Variants in EFCAB11 observed in about 807,000 individuals in gnomAD.
EFCAB11 encodes the protein EF-hand calcium-binding domain-containing protein 11.
Under a neutral mutation model 23.0 loss-of-function variants are expected in EFCAB11, and 14 were observed. That is an observed-to-expected ratio of 0.61 (90% CI 0.40 to 0.95). The LOEUF is 0.95. EFCAB11 is among the 40% of genes least tolerant of loss of function. The pLI, the probability that EFCAB11 is intolerant of heterozygous loss-of-function variation, is 0.00. For missense variants in EFCAB11, 198 were observed against 195.8 expected, an observed-to-expected ratio of 1.01 and a Z score of -0.07; for synonymous variants, 65 against 66.6, an observed-to-expected ratio of 0.98 and a Z score of 0.11.
chr14:89,817,281 CA>C (rs547207653), intron 5 of EFCAB11, among the ~76,000 whole-genome samples: 357 of 151,992 alleles, frequency 2.3e-3, no homozygotes, highest in African/African-American at 8.4e-3. Flanking sequence ...TTTGGGAGGC[CA>C]AGGGGGGAGA....
At chr14:89,876,898 C>G (rs1407342780) in intron 5 of EFCAB11, among the ~76,000 whole-genome samples, 1 of 151,552 alleles carries the variant, frequency 6.6e-6, no homozygotes, top group Non-Finnish European at 1.5e-5. Context: ...GAACTGATGC[C>G]TACATCCTGC....
chr14:89,806,812 T>C (rs1257181836), intron 5 of EFCAB11, among the ~76,000 whole-genome samples: 1 of 152,216 alleles, frequency 6.6e-6, no homozygotes, highest in Non-Finnish European at 1.5e-5. Context: ...GGTTCAGTTC[T>C]CAATTTTGAT....
intron 5 of EFCAB11, 183 bp downstream of exon 5, chr14:89,931,357 CA>C (rs1890382422): frequency 1.7e-6 from 1 of 575,160 alleles, no homozygotes; most frequent in African/African-American, 1.9e-5. Context: ...AGTTCACTGT[CA>C]GGGGCATGGA....
intron 5 of EFCAB11, among the ~76,000 whole-genome samples, chr14:89,834,338 T>G (rs924748915): frequency 1.7e-5 from 2 of 117,100 alleles, no homozygotes; most frequent in Non-Finnish European, 1.6e-5. Context: ...ATCGCACCAC[T>G]GCACTCCAGC....
intron 5 of EFCAB11, among the ~76,000 whole-genome samples, chr14:89,814,487 C>G (rs552646705): frequency 6.6e-6 from 1 of 152,126 alleles, no homozygotes; most frequent in Non-Finnish European, 1.5e-5. Context: ...GGCAGATCAC[C>G]TGAGGTTGGG....
Position 89,796,349 on chromosome 14 carries a change from CAGGCTGG to C in EFCAB11, c.*887_*893del, listed in dbSNP as rs1346638589. On this transcript the variant is annotated 3_prime_UTR_variant, in exon 6 of 6. Transcript: ENST00000316738. ...AGAGACAGGGTCTTGCTCTATCATC[CAGGCTGG>C]AGTGCGACAGTGCAATCATGGCTCA... 2 of 152,112 alleles carry C rather than the reference CAGGCTGG, an allele frequency of 1.3e-5. No homozygotes were observed. Among genetic ancestry groups the C allele is most frequent in the Non-Finnish European group, 2.9e-5 (2 of 68,044 alleles). 9.4% of individuals were successfully genotyped at this position (152,112 alleles called of 1,614,324 possible).
chr14:89,913,785 T>A (rs922024001), intron 5 of EFCAB11, among the ~76,000 whole-genome samples: 1 of 152,210 alleles, frequency 6.6e-6, no homozygotes, highest in Non-Finnish European at 1.5e-5. Context: ...GTTAAAATTT[T>A]TTTTACAGTC....
intron 5 of EFCAB11, among the ~76,000 whole-genome samples, chr14:89,804,171 AC>A (rs1455920396): frequency 2.6e-5 from 4 of 151,888 alleles, no homozygotes; most frequent in Non-Finnish European, 4.4e-5. Flanking sequence ...GGCACCCCCT[AC>A]CCCCCAAACG....
chr14:89,925,128 G>T (rs1021833449), intron 5 of EFCAB11, among the ~76,000 whole-genome samples: 1 of 152,196 alleles, frequency 6.6e-6, no homozygotes, highest in Non-Finnish European at 1.5e-5. Context: ...TTTAAAGATG[G>T]TTTAAACCTG....
At chr14:89,837,064 A>G (rs1293782715) in intron 5 of EFCAB11, 1 of 456,820 alleles carries the variant, frequency 2.2e-6, no homozygotes, top group Non-Finnish European at 4.4e-6. Context: ...TGATGGAGTC[A>G]GCTGCTAAGA....
At chr14:89,922,294 T>G (rs1327853064) in intron 5 of EFCAB11, among the ~76,000 whole-genome samples, 1 of 152,244 alleles carries the variant, frequency 6.6e-6, no homozygotes, top group African/African-American at 2.4e-5. Flanking sequence ...TTTGTCACAC[T>G]GACAGACCAC....
intron 5 of EFCAB11, among the ~76,000 whole-genome samples, chr14:89,876,110 T>A (rs1236372057): frequency 6.6e-6 from 1 of 152,224 alleles, no homozygotes; most frequent in East Asian, 1.9e-4. Flanking sequence ...ACAGCCATAC[T>A]GTACTGAGTT....
At chr14:89,872,324 C>T (rs530456569) in intron 5 of EFCAB11, among the ~76,000 whole-genome samples, 65 of 152,156 alleles carry the variant, frequency 4.3e-4, no homozygotes, top group Non-Finnish European at 8.1e-4. Flanking sequence ...GAAAGCCACA[C>T]GCGCAAAGGC....
At chr14:89,821,625 C>T (rs1329670513) in intron 5 of EFCAB11, among the ~76,000 whole-genome samples, 2 of 152,122 alleles carry the variant, frequency 1.3e-5, no homozygotes, top group African/African-American at 2.4e-5. Flanking sequence ...AGAGTAAGGC[C>T]TGTGGTCCCT....
chr14:89,850,367 CCA>C (rs1436198289), intron 5 of EFCAB11, among the ~76,000 whole-genome samples: 1 of 152,160 alleles, frequency 6.6e-6, no homozygotes, highest in Admixed American at 6.5e-5. Flanking sequence ...ACTGTGCGAC[CCA>C]CAGTGTGGTC....
chr14:89,914,983 C>A (rs1472786592), intron 5 of EFCAB11, among the ~76,000 whole-genome samples: 1 of 151,960 alleles, frequency 6.6e-6, no homozygotes, highest in Non-Finnish European at 1.5e-5. Flanking sequence ...CGCCCACACA[C>A]ACACAAAAAA....
At position 89,879,445 on chromosome 14, in the gene EFCAB11, T is replaced by C. The variant is rs149889368; in HGVS notation, c.410+52096A>G. Among the ~76,000 whole-genome samples, 882 of 152,144 alleles carry C rather than the reference T, an allele frequency of 5.8e-3. 4 individuals carry two copies. Among genetic ancestry groups the C allele is most frequent in the Middle Eastern group, 0.01 (3 of 294 alleles). On this transcript the variant is annotated intron_variant, in intron 5 of 5. Transcript: ENST00000316738. ...CCTTATTCAATTTAAATTTGTTCTA[T>C]TTTTCAGTGACTTACAATGCATTTA...
chr14:89,951,149 G>A (rs972689865), intron 2 of EFCAB11, among the ~76,000 whole-genome samples: 2 of 152,100 alleles, frequency 1.3e-5, no homozygotes, highest in Non-Finnish European at 2.9e-5. Context: ...ATTATTTAAC[G>A]AGTGAATGCA....
chr14:89,954,731 A>T (rs1596477458), upstream of EFCAB11: 1 of 1,553,194 alleles, frequency 6.4e-7, no homozygotes, highest in Non-Finnish European at 8.7e-7. Flanking sequence ...CTGGCAGCCT[A>T]CCGCGGCCAC....
Sources: allele counts gnomAD v4.1 joint callset (sites outside exome capture counted in the v4.1 genomes callset), GRCh38; gene constraint gnomAD v4.1.1; transcripts MANE v1.5; gene names NCBI Gene and HGNC (gene_info 2026-07-23, HGNC 2026-07-21).